Variants in DCTN4 observed in about 807,000 individuals in gnomAD.
The protein encoded by DCTN4 is dynactin subunit 4, also known as dynactin 4 (p62).
Under a neutral mutation model 62.7 loss-of-function variants are expected in DCTN4, and 23 were observed. The ratio of observed to expected loss-of-function variants is 0.37; its 90% CI spans 0.26 to 0.52. The LOEUF is 0.52. DCTN4 is among the 20% of genes least tolerant of loss of function. DCTN4 has a pLI of 0.92. For missense variants in DCTN4, 514 were observed against 580.4 expected (o/e 0.89, Z 1.18); for synonymous variants, 199 against 202.1 (o/e 0.98, Z 0.13).
chr5:150,736,923 A>T (rs1177580653), intron 4 of DCTN4, among the ~76,000 whole-genome samples: 1 of 152,354 alleles, frequency 6.6e-6, no homozygotes, highest in African/African-American at 2.4e-5. Flanking sequence ...GTAAAAAAAG[A>T]TATTCCATGC....
At chr5:150,727,677 G>A (rs1323320763) in intron 8 of DCTN4, among the ~76,000 whole-genome samples, 2 of 149,766 alleles carry the variant, frequency 1.3e-5, no homozygotes, top group Admixed American at 6.7e-5. Flanking sequence ...TCGGGAGGCT[G>A]AGGCAGGAGA....
At chr5:150,716,401 GATT>G (rs1316720802) in intron 11 of DCTN4, among the ~76,000 whole-genome samples, 1 of 152,172 alleles carries the variant, frequency 6.6e-6, no homozygotes, top group Non-Finnish European at 1.5e-5. Context: ...GATACTGGGT[GATT>G]ATGGTCATGG....
chr5:150,712,590 G>A (rs1300024546), intron 12 of DCTN4, among the ~76,000 whole-genome samples: 1 of 152,190 alleles, frequency 6.6e-6, no homozygotes, highest in Non-Finnish European at 1.5e-5. Flanking sequence ...ACCATGCCTG[G>A]CCATACTGTG....
chr5:150,740,573 G>A (rs1216250774), intron 4 of DCTN4, among the ~76,000 whole-genome samples: 1 of 152,090 alleles, frequency 6.6e-6, no homozygotes, highest in Non-Finnish European at 1.5e-5. Context: ...AGGAAAAGAA[G>A]TCATTACATG....
intron 9 of DCTN4, among the ~76,000 whole-genome samples, chr5:150,720,589 C>T (rs1186183261): frequency 6.6e-6 from 1 of 151,884 alleles, no homozygotes; most frequent in Non-Finnish European, 1.5e-5. Flanking sequence ...AGTGACATTC[C>T]CACCTCAGCC....
chr5:150,746,977 T>C (rs1039832577), intron 3 of DCTN4, among the ~76,000 whole-genome samples: 1 of 151,974 alleles, frequency 6.6e-6, no homozygotes, highest in Non-Finnish European at 1.5e-5. Context: ...GGTATTCAAT[T>C]AGGAAAAGAG....
chr5:150,714,797 C>T (rs1395800213), intron 12 of DCTN4, among the ~76,000 whole-genome samples: 1 of 152,168 alleles, frequency 6.6e-6, no homozygotes, highest in African/African-American at 2.4e-5. Context: ...GCAGTGTTCC[C>T]CTTCAGCTCA....
Position 150,719,724 on chromosome 5 carries a change from A to G in DCTN4, c.955T>C (p.Tyr319His). The change falls in exon 10 of 13, where the codon TAC becomes CAC. Residue 319 changes from tyrosine to histidine, a missense_variant. Tyr to His is a moderately conservative substitution (Grantham distance 83). Transcript: ENST00000447998. ...VRIMSIPNLR[Y>H]MKESQVLLTL... ...ATGAGCAAGGTACTAACCTTCATGT[A>G]GCGAAGGTTGGGAATTGACATGATT... 1 of 1,608,296 alleles carries G rather than the reference A, an allele frequency of 6.2e-7. No homozygotes were observed.
chr5:150,730,582 T>G (rs1251199935), intron 8 of DCTN4, 49 bp downstream of exon 8: 1 of 1,527,266 alleles, frequency 6.5e-7, no homozygotes, highest in African/African-American at 1.4e-5. Flanking sequence ...CACATTTATT[T>G]TTGCTTTCCT....
chr5:150,732,154 T>C (rs950253235), intron 5 of DCTN4, among the ~76,000 whole-genome samples: 1 of 152,174 alleles, frequency 6.6e-6, no homozygotes, highest in African/African-American at 2.4e-5. Context: ...TAAATTCTAA[T>C]CTAGATTTTT....
At chr5:150,753,974 C>G (rs1480045525) in intron 2 of DCTN4, among the ~76,000 whole-genome samples, 1 of 152,172 alleles carries the variant, frequency 6.6e-6, no homozygotes, top group African/African-American at 2.4e-5. Flanking sequence ...AGAACTGTCA[C>G]AGCTTATGCC....
At chr5:150,746,473 G>T (rs1760967784) in intron 3 of DCTN4, among the ~76,000 whole-genome samples, 1 of 151,802 alleles carries the variant, frequency 6.6e-6, no homozygotes, top group Non-Finnish European at 1.5e-5. Flanking sequence ...AAGCTGGGCA[G>T]AGACACAACC....
chr5:150,712,074 C>T (rs1431232212), intron 12 of DCTN4, among the ~76,000 whole-genome samples: 3 of 152,150 alleles, frequency 2.0e-5, no homozygotes, highest in Non-Finnish European at 2.9e-5. Flanking sequence ...TTTACATTTA[C>T]CTCTGTGCAA....
chr5:150,720,379 A>C (rs970126623), intron 9 of DCTN4, among the ~76,000 whole-genome samples: 2 of 151,856 alleles, frequency 1.3e-5, no homozygotes, highest in African/African-American at 4.8e-5. Flanking sequence ...CTCAAAAAAA[A>C]CACACACACA....
At chr5:150,727,750 T>C (rs1581576389) in intron 8 of DCTN4, among the ~76,000 whole-genome samples, 1 of 117,034 alleles carries the variant, frequency 8.5e-6, no homozygotes, top group African/African-American at 3.5e-5. Flanking sequence ...CACTCCAGCC[T>C]GGGCGACAGA....
At chr5:150,735,219 C>CTCAAG (rs60718291) in intron 4 of DCTN4, among the ~76,000 whole-genome samples, 35,260 of 151,910 alleles carry the variant, frequency 0.23, 9,211 homozygotes, top group African/African-American at 0.65. Flanking sequence ...GGCCAACCAA[C>CTCAAG]TCATTATAGC....
At chr5:150,748,069 A>G (rs1331995110) in intron 3 of DCTN4, among the ~76,000 whole-genome samples, 3 of 152,004 alleles carry the variant, frequency 2.0e-5, no homozygotes, top group Admixed American at 6.5e-5. Flanking sequence ...TCCAGAATCT[A>G]CAATGAACTC....
chr5:150,736,939 G>C (rs933822963), intron 4 of DCTN4, among the ~76,000 whole-genome samples: 4 of 152,100 alleles, frequency 2.6e-5, no homozygotes, highest in African/African-American at 9.7e-5. Flanking sequence ...CATGCAAATG[G>C]ACACCAAAAG....
At chr5:150,713,425 C>G (rs574349543) in intron 12 of DCTN4, among the ~76,000 whole-genome samples, 2 of 151,290 alleles carry the variant, frequency 1.3e-5, no homozygotes, top group East Asian at 3.9e-4. Flanking sequence ...TTTGCCTTCA[C>G]TTTATTTTTC....
Sources: gnomAD v4.1 joint callset for allele counts (sites outside exome capture counted in the v4.1 genomes callset) on GRCh38, gnomAD v4.1.1 for gene constraint, MANE v1.5 for transcripts, NCBI Gene and HGNC (gene_info 2026-07-23, HGNC 2026-07-21) for gene names.